The following SRFBP1 variants were observed in gnomAD, a reference collection of about 807,000 sequenced individuals.
SRFBP1 encodes serum response factor binding protein 1.
SRFBP1 carries 47 observed loss-of-function variants against 45.5 expected under a neutral mutation model. That is an observed-to-expected ratio of 1.03 (90% CI 0.82 to 1.32). The LOEUF (loss-of-function observed/expected upper bound fraction) is 1.32, where lower values mean the gene tolerates loss of function less well. Ranked by LOEUF, SRFBP1 falls within the 40% of genes most tolerant of loss-of-function variation. SRFBP1 has a pLI of 0.00. For missense variants in SRFBP1, 621 were observed against 484.6 expected, an observed-to-expected ratio of 1.28 and a Z score of -2.64; for synonymous variants, 203 against 166.3, an observed-to-expected ratio of 1.22 and a Z score of -1.70.
At position 121,962,219 on chromosome 5, in the gene SRFBP1, C is replaced by T. The variant is rs555530591; in HGVS notation, c.36+151C>T. On this transcript the variant is annotated intron_variant, in intron 1 of 7. Coordinates refer to ENST00000339397, the MANE Select transcript of SRFBP1 (RefSeq NM_152546.3). The stretch of plus-strand genomic sequence containing the variant: ...TTTCCCGCAACTTGGAGTTTGGCAA[C>T]CGGTAATTTCCCTTTTCGGTCTCCA... 4.7e-4 allele frequency: 413 copies of T among 877,526 alleles called. 9 individuals carry two copies. In the South Asian group the frequency reaches 6.1e-3, roughly 13 times the overall value. 54.4% of individuals were successfully genotyped at this position (877,526 alleles called of 1,614,324 possible).
chr5:122,054,679 A>G (rs941801962), intron 2 of SRFBP1, among the ~76,000 whole-genome samples: 2 of 152,188 alleles, frequency 1.3e-5, no homozygotes, highest in African/African-American at 4.8e-5. Context: ...TTAAATTAAT[A>G]TATTTATCTT....
At chr5:121,996,780 A>C (rs1183010673) in intron 4 of SRFBP1, among the ~76,000 whole-genome samples, 3 of 122,372 alleles carry the variant, frequency 2.5e-5, no homozygotes, top group African/African-American at 3.5e-5. Flanking sequence ...GTCTCAGCCC[A>C]AAATCTCCTT....
intron 2 of SRFBP1, among the ~76,000 whole-genome samples, chr5:122,039,947 T>G (rs1207673848): frequency 2.0e-5 from 3 of 152,166 alleles, no homozygotes; most frequent in African/African-American, 7.2e-5. Flanking sequence ...CTGGAGACTC[T>G]TTTTGCTTAT....
rs544268331 is a variant in SRFBP1, at chr5:122,010,667, A to G, written c.271-8593A>G. ...TTCCTTCCCTCACAGTAATGTTCAC[A>G]TATAACATTCTGTATGTATGTATGT... On this transcript the variant is annotated intron_variant, in intron 4 of 7. Transcript: ENST00000339397. 5.3e-5 allele frequency among the ~76,000 whole-genome samples: 8 copies of G among 151,950 alleles called. 1 individual carries two copies. Among genetic ancestry groups the G allele is most frequent in the Admixed American group, 2.0e-4 (3 of 15,280 alleles).
chr5:121,964,848 G>A (rs1253712804), intron 1 of SRFBP1, among the ~76,000 whole-genome samples: 2 of 152,110 alleles, frequency 1.3e-5, no homozygotes, highest in African/African-American at 4.8e-5. Context: ...ATCCTCTCCA[G>A]CATCTGTTGT....
At chr5:122,026,669 T>C (rs1452987958) in intron 7 of SRFBP1, among the ~76,000 whole-genome samples, 2 of 152,172 alleles carry the variant, frequency 1.3e-5, no homozygotes, top group African/African-American at 4.8e-5. Flanking sequence ...TTCTTTATGT[T>C]GTTATAAATA....
chr5:121,973,463 CA>C (rs1489494697), intron 1 of SRFBP1, among the ~76,000 whole-genome samples: 1 of 151,760 alleles, frequency 6.6e-6, no homozygotes, highest in African/African-American at 2.4e-5. Context: ...AATTACATGC[CA>C]TTGCACTGAA....
At chr5:121,972,087 A>G (rs184609987) in intron 1 of SRFBP1, among the ~76,000 whole-genome samples, 1 of 152,106 alleles carries the variant, frequency 6.6e-6, no homozygotes, top group Admixed American at 6.6e-5. Flanking sequence ...AAAATGACTC[A>G]ATCATGTTTA....
At chr5:122,078,365 T>C (rs1001159475), downstream of SRFBP1, 1 of 174,848 alleles carries the variant, frequency 5.7e-6, no homozygotes, top group African/African-American at 2.4e-5. Context: ...CGTAATGCGA[T>C]TGGAAACGTG....
At chr5:121,968,787 A>G (rs1044760365) in intron 1 of SRFBP1, among the ~76,000 whole-genome samples, 2 of 152,208 alleles carry the variant, frequency 1.3e-5, no homozygotes, top group Non-Finnish European at 2.9e-5. Context: ...AACTTCATAC[A>G]AAGAATTTGT....
chr5:122,018,871 T>C lies in SRFBP1; in HGVS notation c.271-389T>C, dbSNP rs910901342. 5.4e-4 allele frequency among the ~76,000 whole-genome samples: 82 copies of C among 152,178 alleles called. 2 individuals carry two copies. The highest frequency in any genetic ancestry group is 1.5e-5 in the Non-Finnish European group (1 of 68,024). On this transcript the variant is annotated intron_variant, in intron 4 of 7. Transcript: ENST00000339397. ...AGTATTACAGTAGTCTCACCCAGTT[T>C]AGCACTAATATGTTATTTGATTCTT...
chr5:122,077,227 G>A (rs542276533), downstream of SRFBP1: 201 of 1,501,394 alleles, frequency 1.3e-4, no homozygotes, highest in African/African-American at 2.4e-3. The surrounding 1 kb of genome is among the most constrained non-coding windows in gnomAD (Gnocchi z 4.9). Context: ...GGCTGCCACT[G>A]CAGGCGCGTG....
Position 122,019,328 on chromosome 5 carries a change from A to G in SRFBP1, c.339A>G (p.Ile113Met). The change falls in exon 5 of 8, where the codon ATA becomes ATG. Residue 113 changes from isoleucine (I) to methionine (M), a missense_variant. By Grantham distance (10) the Ile-to-Met change is conservative. Transcript: ENST00000339397. ...LAVHPLLKKK[I>M]DVLKAAVQAF... is the part of the protein sequence containing the mutation. ...TACATCCTCTTCTGAAGAAAAAGAT[A>G]GATGTGCTAAAAGGTATGAATTAAA... is the stretch of plus-strand genomic sequence containing the variant. The G allele has an allele frequency of 4.3e-6, 7 of 1,612,202 alleles. No homozygotes were observed. Among genetic ancestry groups the G allele is most frequent in the Non-Finnish European group, 5.9e-6 (7 of 1,178,892 alleles).
At chr5:122,007,115 AG>A (rs1431087505) in intron 4 of SRFBP1, among the ~76,000 whole-genome samples, 1 of 152,032 alleles carries the variant, frequency 6.6e-6, no homozygotes, top group African/African-American at 2.4e-5. Context: ...GCATGATTTG[AG>A]GGCAGGCTTG....
Position 121,971,203 on chromosome 5 carries a change from G to A in SRFBP1, c.37-2993G>A, listed in dbSNP as rs143179675. 5.9e-5 allele frequency among the ~76,000 whole-genome samples: 9 copies of A among 152,140 alleles called. No individual in the cohort carries two copies. The East Asian group carries it at 1.7e-3, about 29-fold the overall frequency. On this transcript the variant is annotated intron_variant, in intron 1 of 7. Transcript: ENST00000339397. ...TAAAAAATTTTATTGCGATGGCATT[G>A]TGGATAACTGATTGGAGAGAGGCAA... is the stretch of plus-strand genomic sequence containing the variant.
intron 2 of SRFBP1, among the ~76,000 whole-genome samples, chr5:122,048,479 T>C (rs1753904648): frequency 6.6e-6 from 1 of 152,236 alleles, no homozygotes; most frequent in Non-Finnish European, 1.5e-5. Flanking sequence ...GCATCAATGT[T>C]CATCAAGGAT....
At chr5:122,036,090 G>A (rs934205478) in intron 2 of SRFBP1, among the ~76,000 whole-genome samples, 1 of 152,210 alleles carries the variant, frequency 6.6e-6, no homozygotes, top group African/African-American at 2.4e-5. Context: ...AACTCTGCAC[G>A]TTCCCAAGAT....
downstream of SRFBP1, chr5:122,078,130 C>T (rs1280459008): frequency 4.3e-6 from 3 of 702,154 alleles, no homozygotes; most frequent in African/African-American, 5.7e-5. Flanking sequence ...CCAAGCAATG[C>T]CAAGGGTGGG....
intron 2 of SRFBP1, chr5:122,063,768 A>G (rs1474596495): frequency 1.3e-5 from 2 of 151,938 alleles, no homozygotes; most frequent in African/African-American, 4.8e-5. Flanking sequence ...TCTGCTAAAG[A>G]TTAACTCTCA....
Sources: gnomAD v4.1 joint callset for allele counts (sites outside exome capture counted in the v4.1 genomes callset) on GRCh38, gnomAD v4.1.1 for gene constraint, Gnocchi (gnomAD v3.1) non-coding constraint, MANE v1.5 for transcripts, NCBI Gene and HGNC (gene_info 2026-07-23, HGNC 2026-07-21) for gene names.